The following AKNA variants were observed in gnomAD, a reference collection of about 807,000 sequenced individuals.
AKNA encodes the protein AT-hook transcription factor.
In AKNA, 67 loss-of-function variants were observed where a neutral mutation model predicts 138.8. The observed-to-expected ratio is 0.48, with a 90% confidence interval of 0.40 to 0.59. The LOEUF (loss-of-function observed/expected upper bound fraction) is 0.59, where lower values mean the gene tolerates loss of function less well. Ranked by LOEUF, AKNA falls within the 20% of genes least tolerant of loss-of-function variation. The pLI, the probability that AKNA is intolerant of heterozygous loss-of-function variation, is 0.00. For missense variants in AKNA, 1,813 were observed against 1,880.4 expected, an observed-to-expected ratio of 0.96 and a Z score of 0.66; for synonymous variants, 737 against 754.4, an observed-to-expected ratio of 0.98 and a Z score of 0.38.
At chr9:114,341,147 C>A (rs1830314531) in intron 21 of AKNA, among the ~76,000 whole-genome samples, 1 of 152,110 alleles carries the variant, frequency 6.6e-6, no homozygotes, top group Non-Finnish European at 1.5e-5. Context: ...CTAAAACTGT[C>A]CTAAAAAATA....
downstream of AKNA, among the ~76,000 whole-genome samples, chr9:114,333,821 G>T (rs1382044191): frequency 1.3e-5 from 2 of 150,850 alleles, no homozygotes; most frequent in South Asian, 4.1e-4. Flanking sequence ...CTAAACAGGA[G>T]TGGAGGTGTG....
intron 6 of AKNA, 50 bp from the exon 7 acceptor site, chr9:114,364,669 G>C: frequency 6.3e-7 from 1 of 1,579,888 alleles, no homozygotes; most frequent in Non-Finnish European, 8.7e-7. Flanking sequence ...CAGTCCTGTA[G>C]ACTCCCACAC....
chr9:114,388,385 G>C (rs1834194784), upstream of AKNA, among the ~76,000 whole-genome samples: 1 of 152,178 alleles, frequency 6.6e-6, no homozygotes. Flanking sequence ...TCCCTCACTA[G>C]GCCTCAGGGC....
chr9:114,331,975 C>G, downstream of AKNA: 3 of 1,543,122 alleles, frequency 1.9e-6, no homozygotes, highest in Non-Finnish European at 2.7e-6. Context: ...CATGGCCCAA[C>G]TTGGGCAGCC....
At chr9:114,331,690 A>G (rs555323089), downstream of AKNA, 1 of 1,607,718 alleles carries the variant, frequency 6.2e-7, no homozygotes, top group Non-Finnish European at 8.5e-7. Flanking sequence ...CATGCTTAGC[A>G]GCCCCAAACT....
rs751187461 is a variant in AKNA at position 114,356,103 on chromosome 9, T to G, written c.2880A>C (p.Ala960=). 8.7e-6 allele frequency: 14 copies of G among 1,613,964 alleles called. No homozygotes were observed. The East Asian group carries it at 3.1e-4, about 36-fold the overall frequency. The change falls in exon 14 of 22, where the codon GCA becomes GCC. Residue 960 remains alanine (A), a synonymous_variant. Transcript: ENST00000374088. ...TAGTLAQPFA[A]SVPRDGASYP... ...AGGAAGCTCCATCCCTGGGCACAGA[T>G]GCAGCAAAGGGCTGGGCTAATGTTC...
intron 21 of AKNA, among the ~76,000 whole-genome samples, chr9:114,339,305 C>T (rs938534606): frequency 6.6e-6 from 1 of 152,214 alleles, no homozygotes; most frequent in Non-Finnish European, 1.5e-5. Flanking sequence ...GCCCACTCCG[C>T]TTTCCAAACT....
intron 3 of AKNA, 33 bp downstream of exon 3, chr9:114,376,433 G>C (rs1705503767): frequency 6.2e-7 from 1 of 1,610,258 alleles, no homozygotes; most frequent in Admixed American, 1.7e-5. Flanking sequence ...CAGGGGCCTT[G>C]GTGACACATC....
At chr9:114,352,490 G>A (rs1157730722) in intron 14 of AKNA, among the ~76,000 whole-genome samples, 3 of 151,910 alleles carry the variant, frequency 2.0e-5, no homozygotes, top group East Asian at 1.9e-4. Context: ...CCAGCTACTC[G>A]CGAGGCTGAG....
chr9:114,385,738 C>T (rs1833984170), intron 1 of AKNA, among the ~76,000 whole-genome samples: 1 of 152,226 alleles, frequency 6.6e-6, no homozygotes, highest in African/African-American at 2.4e-5. Flanking sequence ...AGCCAGGCCT[C>T]TGCCTTCCAT....
downstream of AKNA, chr9:114,331,776 C>T: frequency 6.3e-7 from 1 of 1,598,350 alleles, no homozygotes; most frequent in South Asian, 1.1e-5. Context: ...TCCCTGGCCT[C>T]CCGCCGGGCC....
downstream of AKNA, among the ~76,000 whole-genome samples, chr9:114,332,808 C>T (rs1588926694): frequency 2.0e-5 from 3 of 152,142 alleles, no homozygotes; most frequent in Admixed American, 1.3e-4. Flanking sequence ...GCATAAGGGC[C>T]CTGCAGGTAC....
intron 1 of AKNA, among the ~76,000 whole-genome samples, chr9:114,383,628 T>A (rs1213372200): frequency 2.0e-5 from 3 of 152,166 alleles, no homozygotes; most frequent in Non-Finnish European, 4.4e-5. Context: ...CTCCCCTGCA[T>A]GCTGTGTTGA....
upstream of AKNA, among the ~76,000 whole-genome samples, chr9:114,397,199 A>T (rs1834560881): frequency 6.6e-6 from 1 of 152,238 alleles, no homozygotes; most frequent in African/African-American, 2.4e-5. Context: ...GAATAAACCC[A>T]GAGTCCCAAA....
Position 114,377,074 on chromosome 9 carries a change from T to G in AKNA, c.733A>C (p.Ser245Arg). 6.2e-7 allele frequency: 1 copy of G among 1,614,080 alleles called. No individual in the cohort carries two copies. Among genetic ancestry groups the G allele is most frequent in the Non-Finnish European group, 8.5e-7 (1 of 1,179,986 alleles). Residue 245 changes from serine (S) to arginine (R), a missense_variant, in exon 3 of 22, where the codon AGC becomes CGC. By Grantham distance (110) the Ser-to-Arg change is moderately radical. Coordinates refer to ENST00000374088, the MANE Select transcript of AKNA (RefSeq NM_001317950.2). ...CTGCCTCCAGTTCTGCCATCTGGGC[T>G]TAGGAGGTGGTGGCTGGGGCCCTCT... ...LPEGPSHHLL[S>R]PDGRTGGSVA...
At chr9:114,346,628 C>CTG (rs1363132997) in intron 17 of AKNA, 41 bp downstream of exon 17, 1 of 1,520,396 alleles carries the variant, frequency 6.6e-7, no homozygotes, top group Non-Finnish European at 9.0e-7. Flanking sequence ...CATGCTCAGA[C>CTG]TGTGGCCTCT....
intron 1 of AKNA, among the ~76,000 whole-genome samples, chr9:114,387,037 C>A (rs777555442): frequency 6.6e-6 from 1 of 152,162 alleles, no homozygotes; most frequent in Middle Eastern, 3.2e-3. Flanking sequence ...CAAGACCTCA[C>A]AGCCAGGAAG....
intron 21 of AKNA, among the ~76,000 whole-genome samples, chr9:114,338,450 G>A (rs1830133818): frequency 6.6e-6 from 1 of 152,250 alleles, no homozygotes. Context: ...AGCCACTGTG[G>A]AAAACAGTCT....
upstream of AKNA, chr9:114,388,207 A>C: frequency 2.0e-5 from 4 of 198,916 alleles, no homozygotes; most frequent in Admixed American, 5.3e-5. Flanking sequence ...CAGGGAACAA[A>C]CTCCTGACGT....
Sources: gnomAD v4.1 joint callset for allele counts (sites outside exome capture counted in the v4.1 genomes callset) on GRCh38, gnomAD v4.1.1 for gene constraint, MANE v1.5 for transcripts, NCBI Gene and HGNC (gene_info 2026-07-23, HGNC 2026-07-21) for gene names.